CCSER1: variants seen among roughly 807,000 people sequenced by gnomAD.
The protein encoded by CCSER1 is serine-rich coiled-coil domain-containing protein 1.
A neutral mutation model predicts 82.0 loss-of-function variants in CCSER1; 41 were observed. That is an observed-to-expected ratio of 0.50 (90% CI 0.39 to 0.65). CCSER1 has a LOEUF of 0.65. Among genes scored for constraint, CCSER1 ranks in the 30% least tolerant of loss-of-function variants. The pLI, the probability that CCSER1 is intolerant of heterozygous loss-of-function variation, is 0.00. For missense variants in CCSER1, 1,119 were observed against 1,064.2 expected (o/e 1.05, Z -0.72); for synonymous variants, 414 against 383.9 (o/e 1.08, Z -0.92).
chr4:90,985,258 C>T (rs1736485009), intron 9 of CCSER1, among the ~76,000 whole-genome samples: 1 of 151,534 alleles, frequency 6.6e-6, no homozygotes, highest in African/African-American at 2.4e-5. Context: ...TTTCTTGCCT[C>T]TTTTCTCTGC....
chr4:91,081,311 A>T, intron 9 of CCSER1, among the ~76,000 whole-genome samples: 1 of 152,310 alleles, frequency 6.6e-6, no homozygotes, highest in South Asian at 2.1e-4. Flanking sequence ...CAAAAACCAC[A>T]TGATTATCTC....
At chr4:91,050,342 ACT>A (rs1010811074) in intron 9 of CCSER1, among the ~76,000 whole-genome samples, 3 of 150,414 alleles carry the variant, frequency 2.0e-5, no homozygotes, top group African/African-American at 7.4e-5. Context: ...GGGGCAGGAG[ACT>A]CTCTTGAACC....
chr4:90,623,088 C>T (rs899157555), intron 5 of CCSER1, among the ~76,000 whole-genome samples: 5 of 140,200 alleles, frequency 3.6e-5, no homozygotes, highest in African/African-American at 5.5e-5. Context: ...AGTGCAGTGG[C>T]GCAATCTCGG....
chr4:91,050,482 A>T (rs950606024), intron 9 of CCSER1, among the ~76,000 whole-genome samples: 4 of 152,084 alleles, frequency 2.6e-5, no homozygotes, highest in Non-Finnish European at 4.4e-5. Context: ...TTCTTTGTGT[A>T]AATGGTTTAA....
intron 10 of CCSER1, among the ~76,000 whole-genome samples, chr4:91,165,239 G>C (rs1386668064): frequency 6.6e-6 from 1 of 152,168 alleles, no homozygotes; most frequent in Admixed American, 6.5e-5. Context: ...TCCAGACCCT[G>C]TTTGCCTGGG....
At chr4:90,462,600 G>A (rs1015626129) in intron 4 of CCSER1, among the ~76,000 whole-genome samples, 19 of 151,956 alleles carry the variant, frequency 1.3e-4, no homozygotes, top group African/African-American at 4.4e-4. Context: ...GCCAGGTATG[G>A]TGGTGTATAC....
intron 4 of CCSER1, among the ~76,000 whole-genome samples, chr4:90,421,282 A>C (rs943768284): frequency 1.3e-5 from 2 of 152,138 alleles, no homozygotes; most frequent in African/African-American, 2.4e-5. Flanking sequence ...CTATCTTATT[A>C]ATCACATTTT....
At chr4:91,549,861 C>T (rs576838688) in intron 10 of CCSER1, among the ~76,000 whole-genome samples, 7 of 151,798 alleles carry the variant, frequency 4.6e-5, no homozygotes, top group Non-Finnish European at 1.0e-4. Context: ...CTTAGTCCTT[C>T]GGTGAGCCAG....
At chr4:91,356,222 C>T (rs1159555315) in intron 10 of CCSER1, among the ~76,000 whole-genome samples, 1 of 152,222 alleles carries the variant, frequency 6.6e-6, no homozygotes, top group Non-Finnish European at 1.5e-5. Flanking sequence ...CTCCAACTGC[C>T]ATTTTTTCTC....
chr4:91,427,299 T>A (rs565155755), intron 10 of CCSER1, among the ~76,000 whole-genome samples: 1 of 152,278 alleles, frequency 6.6e-6, no homozygotes, highest in East Asian at 1.9e-4. Flanking sequence ...TGCTGTCTTA[T>A]CCTGGAAAGT....
At chr4:91,347,629 T>G (rs1008427420) in intron 10 of CCSER1, among the ~76,000 whole-genome samples, 2 of 54,230 alleles carry the variant, frequency 3.7e-5, no homozygotes, top group Non-Finnish European at 7.9e-5. Flanking sequence ...TTTATTTAGA[T>G]CTTCTTTGAT....
intron 1 of CCSER1, among the ~76,000 whole-genome samples, chr4:90,238,665 C>T (rs1015402033): frequency 3.3e-5 from 5 of 152,010 alleles, no homozygotes; most frequent in Admixed American, 1.3e-4. Context: ...TCAACTCGTG[C>T]GCACATACAC....
chr4:90,844,128 T>TAA (rs1762908159), intron 8 of CCSER1, among the ~76,000 whole-genome samples: 1 of 151,154 alleles, frequency 6.6e-6, no homozygotes, highest in African/African-American at 2.4e-5. Context: ...TATATATATA[T>TAA]CTTCCAGTGT....
chr4:91,391,171 T>C (rs755771206), intron 10 of CCSER1, among the ~76,000 whole-genome samples: 8 of 152,308 alleles, frequency 5.3e-5, no homozygotes, highest in Admixed American at 2.0e-4. Flanking sequence ...TCTTTTCTAA[T>C]ATATGAGTTC....
chr4:91,208,125 A>G (rs1581773089), intron 10 of CCSER1, among the ~76,000 whole-genome samples: 1 of 151,940 alleles, frequency 6.6e-6, no homozygotes, highest in African/African-American at 2.4e-5. Context: ...GATTCTGGGT[A>G]TTAGACCTTG....
At chr4:90,850,433 C>A (rs1440935554) in intron 8 of CCSER1, among the ~76,000 whole-genome samples, 3 of 152,218 alleles carry the variant, frequency 2.0e-5, no homozygotes, top group Non-Finnish European at 4.4e-5. Flanking sequence ...AGCTGTGAAA[C>A]CAGCTGGGAG....
chr4:90,197,047 T>A (rs1736751889), intron 1 of CCSER1, among the ~76,000 whole-genome samples: 1 of 152,120 alleles, frequency 6.6e-6, no homozygotes, highest in Non-Finnish European at 1.5e-5. Context: ...CAGGTTGAGA[T>A]CTGTGCTTCT....
chr4:91,593,535 A>G (rs952080934), intron 10 of CCSER1, among the ~76,000 whole-genome samples: 2 of 107,494 alleles, frequency 1.9e-5, no homozygotes, highest in Non-Finnish European at 3.4e-5. Flanking sequence ...GATGGTCTTG[A>G]TCTCTTGACC....
At chr4:90,451,763 C>T (rs1461189777) in intron 4 of CCSER1, among the ~76,000 whole-genome samples, 1 of 152,206 alleles carries the variant, frequency 6.6e-6, no homozygotes, top group African/African-American at 2.4e-5. Context: ...GGCCCTCTTG[C>T]TGCCAATTTG....
Sources: gnomAD v4.1 joint callset for allele counts (sites outside exome capture counted in the v4.1 genomes callset) on GRCh38, gnomAD v4.1.1 for gene constraint, MANE v1.5 for transcripts, NCBI Gene and HGNC (gene_info 2026-07-23, HGNC 2026-07-21) for gene names.